The following USH2A variants were observed in gnomAD, a reference collection of about 807,000 sequenced individuals.
USH2A encodes the protein Usher syndrome 2A (autosomal recessive, mild).
In USH2A, 443 loss-of-function variants were observed where a neutral mutation model predicts 538.9. The observed-to-expected ratio is 0.82, with a 90% CI of 0.76 to 0.89. The LOEUF (loss-of-function observed/expected upper bound fraction) is 0.89, where lower values mean the gene tolerates loss of function less well. Among genes scored for constraint, USH2A ranks in the 40% least tolerant of loss-of-function variants. USH2A has a pLI of 0.00. For synonymous variants in USH2A, 2,413 were observed against 2,273.5 expected (o/e 1.06, Z -1.75); for missense variants, 6,633 against 6,324.8 (o/e 1.05, Z -1.65).
Position 216,089,107 on chromosome 1 carries a change from A to G in USH2A, c.4791T>C (p.Asp1597=). 1 of 1,613,290 alleles carries G rather than the reference A, an allele frequency of 6.2e-7. No individual in the cohort carries two copies. The highest frequency in any genetic ancestry group is 8.5e-7 in the Non-Finnish European group (1 of 1,179,460). ...GSPVEVTTTN[D]HGKQYSDGKW... is the part of the protein sequence containing the mutation. ...TTCCATCACTATATTGTTTGCCATG[A>G]TCATTAGTTGTAGTTACTTCCACTG... Residue 1597 remains aspartate (D), a synonymous_variant, in exon 23 of 72, where the codon GAT becomes GAC. Transcript: ENST00000307340.
chr1:216,079,050 CTAATA>C (rs1558247165), intron 26 of USH2A: 1 of 151,840 alleles, frequency 6.6e-6, no homozygotes, highest in African/African-American at 2.4e-5. Flanking sequence ...ATTATTTTAC[CTAATA>C]TATTTTTACT....
At chr1:215,774,737 A>G (rs1243814684) in intron 55 of USH2A, among the ~76,000 whole-genome samples, 1 of 152,044 alleles carries the variant, frequency 6.6e-6, no homozygotes, top group Non-Finnish European at 1.5e-5. Flanking sequence ...TGGAGTGACA[A>G]AACAGAACTA....
intron 49 of USH2A, among the ~76,000 whole-genome samples, chr1:215,802,075 A>C (rs1462433307): frequency 6.6e-6 from 1 of 152,018 alleles, no homozygotes; most frequent in Admixed American, 6.6e-5. Context: ...CACATGCCAA[A>C]GAATGATATT....
In USH2A at chr1:215,680,197, T is replaced by A. The variant is rs1410826412; in HGVS notation, c.12246A>T (p.Ala4082=). Residue 4082 remains alanine (A), a synonymous_variant, in exon 62 of 72, where the codon GCA becomes GCT. Coordinates refer to ENST00000307340, the MANE Select transcript of USH2A (RefSeq NM_206933.4). ...FIVEQKENGR[A]LLLQWSEPMR... is the part of the protein sequence containing the mutation. ...TAGGTTCTGACCACTGTAGTAGCAATGCCCGGCCATTCTCTTTCTGTTCTA... is the reference window on the plus strand; with the variant it reads ...TAGGTTCTGACCACTGTAGTAGCAAAGCCCGGCCATTCTCTTTCTGTTCTA... The A allele has an allele frequency of 2.5e-6, 4 of 1,614,194 alleles. No individual in the cohort carries two copies. The Admixed American group carries it at 5.0e-5, about 20-fold the overall frequency.
At position 216,204,785 on chromosome 1, in the gene USH2A, C is replaced by A. The variant is rs1349447668; in HGVS notation, c.3316+2488G>T. ...ACATGAGGCTATTGTTAGAATGATA[C>A]AAAGTTCTGACAGTGTTAACCAATT... is the stretch of plus-strand genomic sequence containing the variant. On this transcript the variant is annotated intron_variant, in intron 16 of 71. Coordinates refer to ENST00000307340, the MANE Select transcript of USH2A (RefSeq NM_206933.4). Among the ~76,000 whole-genome samples, 3 of 152,234 alleles carry A rather than the reference C, an allele frequency of 2.0e-5. No individual in the cohort carries two copies. In the East Asian group the frequency reaches 5.8e-4, roughly 29 times the overall value.
chr1:215,790,392 G>T, intron 50 of USH2A, 110 bp from the exon 51 acceptor site: 2 of 1,144,386 alleles, frequency 1.7e-6, no homozygotes, highest in African/African-American at 1.5e-5. Context: ...TGCTGAAATG[G>T]TGCAATACCT....
intron 10 of USH2A, 40 bp downstream of exon 10, chr1:216,292,135 C>A (rs777952548): frequency 4.4e-6 from 7 of 1,600,006 alleles, no homozygotes; most frequent in Non-Finnish European, 6.0e-6. Flanking sequence ...TAGAAGCACA[C>A]AGGCCTCCAA....
intron 21 of USH2A, among the ~76,000 whole-genome samples, chr1:216,123,179 C>T (rs1286223523): frequency 1.3e-5 from 2 of 152,160 alleles, no homozygotes; most frequent in East Asian, 3.9e-4. Flanking sequence ...TTAAAAAAAT[C>T]TTTCTTCTTC....
chr1:216,401,012 G>A (rs987997258), intron 3 of USH2A, among the ~76,000 whole-genome samples: 2 of 152,020 alleles, frequency 1.3e-5, no homozygotes, highest in African/African-American at 2.4e-5. Flanking sequence ...ATATCAGAAT[G>A]AATAAAATTA....
At chr1:215,957,776 GA>G (rs1478659811) in intron 37 of USH2A, among the ~76,000 whole-genome samples, 2 of 152,048 alleles carry the variant, frequency 1.3e-5, no homozygotes, top group Non-Finnish European at 2.9e-5. Context: ...CTCATTACGG[GA>G]AAATGAATTC....
At chr1:215,858,303 G>A in intron 44 of USH2A, among the ~76,000 whole-genome samples, 1 of 151,808 alleles carries the variant, frequency 6.6e-6, no homozygotes, top group African/African-American at 2.4e-5. Flanking sequence ...TAGGTCCCAT[G>A]TCCCCACCCA....
intron 9 of USH2A, among the ~76,000 whole-genome samples, chr1:216,306,703 C>T (rs2037323382): frequency 6.6e-6 from 1 of 152,192 alleles, no homozygotes; most frequent in South Asian, 2.1e-4. Context: ...CAGGGTGCTC[C>T]CCAGATGTGG....
At chr1:215,782,346 C>T in intron 53 of USH2A, 150 bp from the exon 54 acceptor site, 2 of 808,628 alleles carry the variant, frequency 2.5e-6, no homozygotes, top group Non-Finnish European at 2.0e-6. Context: ...CAAGCAGTTC[C>T]TAATTATACT....
chr1:216,333,380 A>T (rs1296983663), intron 4 of USH2A, among the ~76,000 whole-genome samples: 1 of 152,058 alleles, frequency 6.6e-6, no homozygotes, highest in Non-Finnish European at 1.5e-5. Flanking sequence ...TAATTAATGA[A>T]CTTGAATACA....
intron 49 of USH2A, among the ~76,000 whole-genome samples, chr1:215,806,686 C>A (rs1308080848): frequency 6.6e-6 from 1 of 152,036 alleles, no homozygotes; most frequent in African/African-American, 2.4e-5. Flanking sequence ...CCTTGTAGTT[C>A]ACTGTTCACT....
chr1:216,041,831 TTAAAA>T (rs1303143364), intron 32 of USH2A, among the ~76,000 whole-genome samples: 3 of 151,620 alleles, frequency 2.0e-5, no homozygotes, highest in Non-Finnish European at 4.4e-5. Context: ...AAAATGCAAA[TTAAAA>T]TAAAATAACT....
intron 56 of USH2A, among the ~76,000 whole-genome samples, chr1:215,762,773 T>G (rs1661017261): frequency 1.3e-5 from 2 of 152,070 alleles, no homozygotes; most frequent in African/African-American, 2.4e-5. Context: ...GGGAGCAAAC[T>G]GAGGCAGTTC....
intron 27 of USH2A, among the ~76,000 whole-genome samples, chr1:216,076,961 A>C (rs2031773918): frequency 6.6e-6 from 1 of 152,146 alleles, no homozygotes; most frequent in Non-Finnish European, 1.5e-5. Flanking sequence ...CCCATAAAAG[A>C]GAGCATTGAC....
At chr1:215,929,574 C>T (rs529588110) in intron 38 of USH2A, among the ~76,000 whole-genome samples, 5 of 152,038 alleles carry the variant, frequency 3.3e-5, no homozygotes, top group Admixed American at 2.0e-4. Context: ...TTCTATAGGG[C>T]ATTTTCCAGG....
Sources: allele counts gnomAD v4.1 joint callset (sites outside exome capture counted in the v4.1 genomes callset), GRCh38; gene constraint gnomAD v4.1.1; transcripts MANE v1.5; gene names NCBI Gene and HGNC (gene_info 2026-07-23, HGNC 2026-07-21).